Variants in CFAP54 observed in about 807,000 individuals in gnomAD.
The protein encoded by CFAP54 is cilia and flagella associated protein 54.
A neutral mutation model predicts 370.4 loss-of-function variants in CFAP54; 290 were observed. The observed-to-expected ratio is 0.78, with a 90% CI of 0.71 to 0.86. CFAP54 has a LOEUF of 0.86. Among genes scored for constraint, CFAP54 ranks in the 40% least tolerant of loss-of-function variants. CFAP54 has a pLI of 0.00. For missense variants in CFAP54, 3,399 were observed against 3,528.7 expected (o/e 0.96, Z 0.93); for synonymous variants, 1,206 against 1,236.5 (o/e 0.98, Z 0.52).
chr12:96,720,379 C>T lies in CFAP54; in HGVS notation c.6805-26C>T, dbSNP rs138316097. On this transcript the variant is annotated intron_variant, in intron 49 of 67. Coordinates refer to ENST00000524981, the MANE Select transcript of CFAP54 (RefSeq NM_001306084.2). ...AGTATTTGTATTATTTCTGAACTCA[C>T]GTGATGTATGGTATCCTTTCCTTAG... 3.0e-5 allele frequency: 42 copies of T among 1,386,382 alleles called. No individual in the cohort carries two copies. In the African/African-American group the frequency reaches 5.2e-4, roughly 17 times the overall value. The allele number at this position is 1,386,382 out of a possible 1,614,324, so 85.9% of individuals were successfully genotyped here. A position where few individuals can be genotyped will look rare whatever the true frequency, so the allele number is the denominator to read the frequency against.
chr12:96,846,695 C>CT (rs1332355586), intron 66 of CFAP54, among the ~76,000 whole-genome samples: 2 of 152,176 alleles, frequency 1.3e-5, no homozygotes, highest in African/African-American at 4.8e-5. Flanking sequence ...ACTGTCAACT[C>CT]TATCACTTTT....
At chr12:96,859,284 G>T (rs1283041523) in intron 66 of CFAP54, among the ~76,000 whole-genome samples, 1 of 152,218 alleles carries the variant, frequency 6.6e-6, no homozygotes, top group Non-Finnish European at 1.5e-5. Context: ...GCTTATGCAT[G>T]TGGAAATTAA....
intron 20 of CFAP54, among the ~76,000 whole-genome samples, chr12:96,579,490 A>G (rs1956011286): frequency 6.6e-6 from 1 of 152,118 alleles, no homozygotes; most frequent in African/African-American, 2.4e-5. Flanking sequence ...CATAGTTAGT[A>G]TTTTTCTGTT....
At chr12:96,803,622 A>G (rs1958846917) in intron 63 of CFAP54, among the ~76,000 whole-genome samples, 1 of 152,192 alleles carries the variant, frequency 6.6e-6, no homozygotes, top group Non-Finnish European at 1.5e-5. Flanking sequence ...CAGGAATACC[A>G]CTGACCTTGT....
chr12:96,608,222 C>T (rs1192000242), intron 26 of CFAP54, among the ~76,000 whole-genome samples: 1 of 151,912 alleles, frequency 6.6e-6, no homozygotes, highest in African/African-American at 2.4e-5. Flanking sequence ...TGACCTAAAA[C>T]TTCCATTGTG....
intron 22 of CFAP54, 116 bp downstream of exon 22, chr12:96,581,221 C>T (rs1030667412): frequency 3.3e-6 from 2 of 608,924 alleles, no homozygotes; most frequent in African/African-American, 1.9e-5. Context: ...TCCTATAACA[C>T]ATATTATCCA....
chr12:96,548,940 T>A (rs1955667248), intron 15 of CFAP54, among the ~76,000 whole-genome samples: 1 of 151,866 alleles, frequency 6.6e-6, no homozygotes, highest in South Asian at 2.1e-4. Context: ...CTGCAACCTC[T>A]GCCTTCCAGG....
chr12:96,535,595 C>T lies in CFAP54; in HGVS notation c.1786C>T (p.Pro596Ser), dbSNP rs1185098321. 3.9e-6 allele frequency: 6 copies of T among 1,530,630 alleles called. No individual in the cohort carries two copies. The East Asian group carries it at 7.3e-5, about 19-fold the overall frequency. 94.8% of individuals were successfully genotyped at this position (1,530,630 alleles called of 1,614,324 possible). A position where few individuals can be genotyped will look rare whatever the true frequency, so the allele number is the denominator to read the frequency against. ...ATLYVCVCTA[P>S]QDVQPDKEIV... The stretch of plus-strand genomic sequence containing the variant: ...CTTGTATGTCTGTGTCTGCACTGCT[C>T]CCCAGGTGAAATAGCTATTTTAAAT... Residue 596 changes from proline to serine, a missense_variant, in exon 12 of 68, where the codon CCC (proline) becomes TCC (serine). Pro to Ser is a moderately conservative substitution (Grantham distance 74). This residue lies in a region of CFAP54 where 2,796 missense variants were observed against 2,869.7 expected (regional missense o/e 0.97). Coordinates refer to ENST00000524981, the MANE Select transcript of CFAP54 (RefSeq NM_001306084.2).
chr12:96,508,188 G>A (rs1955127616), intron 4 of CFAP54, among the ~76,000 whole-genome samples: 2 of 139,980 alleles, frequency 1.4e-5, no homozygotes, highest in Admixed American at 1.6e-4. Context: ...GTGGAGTGCA[G>A]TGTGGCATGA....
intron 1 of CFAP54, among the ~76,000 whole-genome samples, chr12:96,494,710 T>C (rs1954928968): frequency 6.6e-6 from 1 of 152,012 alleles, no homozygotes; most frequent in African/African-American, 2.4e-5. Flanking sequence ...TTATAATATA[T>C]TTGACAGATG....
intron 15 of CFAP54, among the ~76,000 whole-genome samples, chr12:96,551,190 C>A (rs1417189653): frequency 1.3e-5 from 2 of 149,026 alleles, no homozygotes; most frequent in African/African-American, 2.5e-5. Context: ...CCCGGGAAAT[C>A]AAGGCTGCAG....
intron 15 of CFAP54, among the ~76,000 whole-genome samples, chr12:96,551,680 A>G (rs1955696597): frequency 6.6e-6 from 1 of 152,192 alleles, no homozygotes; most frequent in African/African-American, 2.4e-5. Context: ...GCATTTGATA[A>G]TATTCAACAA....
intron 22 of CFAP54, among the ~76,000 whole-genome samples, chr12:96,581,433 C>T (rs1310540055): frequency 1.3e-5 from 2 of 152,038 alleles, no homozygotes; most frequent in East Asian, 1.9e-4. Flanking sequence ...AGAGTTCTTA[C>T]CCTGGGGCAA....
chr12:96,720,129 T>C (rs1460418094), intron 49 of CFAP54, among the ~76,000 whole-genome samples: 2 of 152,222 alleles, frequency 1.3e-5, no homozygotes, highest in Non-Finnish European at 2.9e-5. Flanking sequence ...GCAAGAACTT[T>C]ATAGAACATA....
intron 17 of CFAP54, among the ~76,000 whole-genome samples, chr12:96,555,253 A>G (rs565203941): frequency 6.6e-6 from 1 of 152,140 alleles, no homozygotes; most frequent in African/African-American, 2.4e-5. Context: ...TATATCAAAT[A>G]AGAAAGTCAG....
chr12:96,566,943 G>T (rs1955870090), intron 19 of CFAP54, among the ~76,000 whole-genome samples: 1 of 152,144 alleles, frequency 6.6e-6, no homozygotes, highest in Non-Finnish European at 1.5e-5. Flanking sequence ...TAAAAATCCA[G>T]TCTGTGGAAA....
intron 63 of CFAP54, among the ~76,000 whole-genome samples, chr12:96,802,186 A>G (rs1330004316): frequency 1.3e-5 from 2 of 152,010 alleles, no homozygotes; most frequent in African/African-American, 2.4e-5. Context: ...ACCTAGAACA[A>G]TACCCACCAC....
chr12:96,741,096 T>G (rs1958045862), intron 51 of CFAP54, among the ~76,000 whole-genome samples: 1 of 152,220 alleles, frequency 6.6e-6, no homozygotes, highest in African/African-American at 2.4e-5. Flanking sequence ...CATACTAGAC[T>G]CTTTGAGTAC....
intron 14 of CFAP54, among the ~76,000 whole-genome samples, chr12:96,545,767 G>C (rs1377786598): frequency 6.6e-6 from 1 of 152,152 alleles, no homozygotes; most frequent in Non-Finnish European, 1.5e-5. Context: ...TTTCTGCACA[G>C]CTGTACATCC....
Sources: gnomAD v4.1 joint callset for allele counts (sites outside exome capture counted in the v4.1 genomes callset) on GRCh38, gnomAD v4.1.1 for gene constraint, gnomAD v4.1.1 regional missense constraint, MANE v1.5 for transcripts, NCBI Gene and HGNC (gene_info 2026-07-23, HGNC 2026-07-21) for gene names.